The following SNX27 variants were observed in gnomAD, a reference collection of about 807,000 sequenced individuals.
SNX27 encodes sorting nexin-27.
Under a neutral mutation model 71.6 loss-of-function variants are expected in SNX27, and 22 were observed. The ratio of observed to expected loss-of-function variants is 0.31; its 90% CI spans 0.22 to 0.44. The LOEUF (loss-of-function observed/expected upper bound fraction) is 0.44, where lower values mean the gene tolerates loss of function less well. SNX27 is among the 20% of genes least tolerant of loss of function. SNX27 has a pLI of 1.00. For missense variants in SNX27, 531 were observed against 698.6 expected, an observed-to-expected ratio of 0.76 and a Z score of 2.70; for synonymous variants, 269 against 277.2, an observed-to-expected ratio of 0.97 and a Z score of 0.29.
At chr1:151,654,616 C>A (rs1256073360) in intron 2 of SNX27, among the ~76,000 whole-genome samples, 2 of 152,074 alleles carry the variant, frequency 1.3e-5, no homozygotes, top group African/African-American at 4.8e-5. Context: ...TAGAATAACA[C>A]AGATTGTAGG....
At chr1:151,654,514 T>A (rs1361360011) in intron 2 of SNX27, among the ~76,000 whole-genome samples, 1 of 152,052 alleles carries the variant, frequency 6.6e-6, no homozygotes, top group African/African-American at 2.4e-5. Context: ...AGTATTTTAC[T>A]TTTACTCCTT....
chr1:151,660,972 C>T (rs2102681724), intron 4 of SNX27, 110 bp downstream of exon 4: 2 of 799,570 alleles, frequency 2.5e-6, no homozygotes. Flanking sequence ...CCAAAGGACT[C>T]CATTTTTTCT....
In SNX27 at chr1:151,696,466, TTTCTTTC is replaced by T. The variant is rs1217432117; in HGVS notation, c.*2052_*2058del. 3 of 44,658 alleles carry T rather than the reference TTTCTTTC, an allele frequency of 6.7e-5. No homozygotes were observed. The highest frequency in any genetic ancestry group is 2.2e-4 in the African/African-American group (3 of 13,814). 2.8% of individuals were successfully genotyped at this position (44,658 alleles called of 1,614,324 possible). On this transcript the variant is annotated 3_prime_UTR_variant, in exon 12 of 12. Transcript: ENST00000458013. ...CAAATCATTGTGAGGCCACTTTTTCTTTCTTTCTTTCTTTCTTTCTTTCTTTCTTTCT... is the reference window on the plus strand; with the variant it reads ...CAAATCATTGTGAGGCCACTTTTTCTTTTCTTTCTTTCTTTCTTTCTTTCT...
intron 2 of SNX27, among the ~76,000 whole-genome samples, chr1:151,655,714 C>T (rs560322641): frequency 6.6e-6 from 1 of 152,260 alleles, no homozygotes; most frequent in South Asian, 2.1e-4. Context: ...TACATTGTGT[C>T]CAGTTTTCTG....
At position 151,695,434 on chromosome 1, in the gene SNX27, T is replaced by TTTTC. The variant is rs1426400490; in HGVS notation, c.*1019_*1020insTCTT. 35 of 146,340 alleles carry TTTTC rather than the reference T, an allele frequency of 2.4e-4. 1 individual carries two copies. In the East Asian group the frequency reaches 4.6e-3, roughly 19 times the overall value. 9.1% of individuals were successfully genotyped at this position (146,340 alleles called of 1,614,324 possible). The stretch of plus-strand genomic sequence containing the variant: ...CCTTTTTTTTTTTTTTTTTTTTTTT[T>TTTTC]TTCTGAGACAGGGTCTTACTCTGTC... On this transcript the variant is annotated 3_prime_UTR_variant, in exon 12 of 12. Transcript: ENST00000458013.
intron 7 of SNX27, chr1:151,680,543 T>A (rs2102717511): frequency 6.6e-6 from 1 of 152,330 alleles, no homozygotes; most frequent in South Asian, 2.1e-4. Context: ...GAGTAGATAA[T>A]CACTGTGACC....
chr1:151,622,502 A>T (rs1667721698), intron 1 of SNX27, among the ~76,000 whole-genome samples: 1 of 152,190 alleles, frequency 6.6e-6, no homozygotes, highest in South Asian at 2.1e-4. Context: ...TTGATGATTT[A>T]CTTGACTTGC....
intron 7 of SNX27, chr1:151,678,600 A>G (rs1462139162): frequency 1.3e-5 from 2 of 152,190 alleles, no homozygotes; most frequent in East Asian, 1.9e-4. Context: ...TTTTTTCAAT[A>G]TACCCAGAAG....
In SNX27 at chr1:151,693,036, A is replaced by G. The variant is rs371041848; in HGVS notation, c.1515A>G (p.Pro505=). The change falls in exon 10 of 12, where the codon CCA becomes CCG. Residue 505 remains proline, a synonymous_variant. Transcript: ENST00000458013. ...CCCGATGGGTTAAAATCTTCACGCC[A>G]TATGTGAGTGCAATTTGGGGAAAGT... ...KKPRWVKIFT[P]YFNYMHECFE... is the part of the protein sequence containing the mutation. 20 of 1,609,566 alleles carry G rather than the reference A, an allele frequency of 1.2e-5. No individual in the cohort carries two copies. Among genetic ancestry groups the G allele is most frequent in the Non-Finnish European group, 1.7e-5 (20 of 1,178,784 alleles).
rs767464354 is a variant in SNX27 at position 151,692,985 on chromosome 1, C to T, written c.1464C>T (p.Phe488=). 4.8e-5 allele frequency: 77 copies of T among 1,613,934 alleles called. No homozygotes were observed. The highest frequency in any genetic ancestry group is 6.0e-5 in the Non-Finnish European group (71 of 1,180,026). Residue 488 remains phenylalanine (F), a synonymous_variant, in exon 10 of 12, where the codon TTC becomes TTT. Coordinates refer to ENST00000458013, the MANE Select transcript of SNX27 (RefSeq NM_001330723.2). ...DTDEEGMAFC[F]EYARGEKKPR... ...ATGAAGAAGGGATGGCCTTCTGTTT[C>T]GAATATGCACGAGGAGAGAAGAAGC...
At chr1:151,687,442 A>G (rs1030591781) in intron 8 of SNX27, among the ~76,000 whole-genome samples, 2 of 152,174 alleles carry the variant, frequency 1.3e-5, no homozygotes, top group African/African-American at 4.8e-5. Context: ...TAAAAAGCAC[A>G]CTGGTGATTC....
intron 1 of SNX27, chr1:151,629,551 G>A (rs1668117445): frequency 6.8e-6 from 1 of 147,814 alleles, no homozygotes; most frequent in Admixed American, 6.7e-5. Flanking sequence ...ATATATGTTT[G>A]TATATATGTG....
At chr1:151,616,460 C>T (rs1355935363) in intron 1 of SNX27, among the ~76,000 whole-genome samples, 3 of 152,100 alleles carry the variant, frequency 2.0e-5, no homozygotes, top group African/African-American at 7.2e-5. Context: ...CTTTGATAGC[C>T]ACCAGATAAT....
rs1291587354 is a variant in SNX27 at position 151,658,491 on chromosome 1, A to C, written c.736+64A>C. On this transcript the variant is annotated intron_variant, in intron 3 of 11. Transcript: ENST00000458013. ...GTAGGTTCTAGATATGCAACTTCTA[A>C]ACTGCATAGCTGAATTTCCAGAACC... The C allele has an allele frequency of 5.5e-6, 8 of 1,465,400 alleles. No homozygotes were observed. The East Asian group carries it at 1.8e-4, about 33-fold the overall frequency. 90.8% of individuals were successfully genotyped at this position (1,465,400 alleles called of 1,614,324 possible). A position where few individuals can be genotyped will look rare whatever the true frequency, so the allele number is the denominator to read the frequency against.
chr1:151,678,344 T>C (rs1274364876), intron 7 of SNX27: 2 of 152,246 alleles, frequency 1.3e-5, no homozygotes, highest in African/African-American at 4.8e-5. Context: ...TAAGTGTAAT[T>C]ATACACTATT....
chr1:151,687,863 G>A lies in SNX27; in HGVS notation c.1239+4418G>A, dbSNP rs186262605. The stretch of plus-strand genomic sequence containing the variant: ...CTCAGGAGACTGGGGCAGGAGAATG[G>A]CGTGAACCCAGGAGGCGGAGCTTGC... On this transcript the variant is annotated intron_variant, in intron 8 of 11. Transcript: ENST00000458013. Among the ~76,000 whole-genome samples the A allele has an allele frequency of 8.2e-4, 124 of 151,674 alleles. 6 individuals carry two copies. In the South Asian group the frequency reaches 0.017, roughly 20 times the overall value.
At chr1:151,649,973 C>T (rs544779291) in intron 2 of SNX27, among the ~76,000 whole-genome samples, 2 of 152,190 alleles carry the variant, frequency 1.3e-5, no homozygotes, top group East Asian at 1.9e-4. Flanking sequence ...CTGCAACCTC[C>T]ACCTCCCAGG....
intron 9 of SNX27, 90 bp downstream of exon 9, chr1:151,692,674 A>G (rs1220681539): frequency 6.5e-7 from 1 of 1,535,144 alleles, no homozygotes; most frequent in East Asian, 2.3e-5. Context: ...TTTTAGGGGG[A>G]AATGAAATCA....
At chr1:151,622,306 C>G (rs925593557) in intron 1 of SNX27, among the ~76,000 whole-genome samples, 6 of 152,122 alleles carry the variant, frequency 3.9e-5, no homozygotes, top group Middle Eastern at 3.2e-3. Context: ...TGTTCACATT[C>G]ATGTACAGGA....
Sources: allele counts gnomAD v4.1 joint callset (sites outside exome capture counted in the v4.1 genomes callset), GRCh38; gene constraint gnomAD v4.1.1; transcripts MANE v1.5; gene names NCBI Gene and HGNC (gene_info 2026-07-23, HGNC 2026-07-21).